SYNPR: variants seen among roughly 807,000 people sequenced by gnomAD.
The protein encoded by SYNPR is synaptoporin.
In SYNPR, 23 loss-of-function variants were observed where a neutral mutation model predicts 32.9. The ratio of observed to expected loss-of-function variants is 0.70; its 90% CI spans 0.50 to 0.99. The LOEUF (loss-of-function observed/expected upper bound fraction) is 0.99, where lower values mean the gene tolerates loss of function less well. Among genes scored for constraint, SYNPR ranks in the 50% least tolerant of loss-of-function variants. The probability of loss-of-function intolerance (pLI) is 0.00; values close to 1 mark genes in which losing one functional copy is unlikely to be tolerated. For synonymous variants in SYNPR, 146 were observed against 135.9 expected (o/e 1.07, Z -0.52); for missense variants, 318 against 349.3 (o/e 0.91, Z 0.71).
chr3:63,353,587 T>C (rs1160752019), intron 2 of SYNPR, among the ~76,000 whole-genome samples: 2 of 152,228 alleles, frequency 1.3e-5, no homozygotes, highest in Non-Finnish European at 2.9e-5. Flanking sequence ...AGTCGGATGA[T>C]TCAGGTCCTA....
At chr3:63,384,486 T>C (rs17068423) in intron 2 of SYNPR, among the ~76,000 whole-genome samples, 1,802 of 152,314 alleles carry the variant, frequency 0.012, 41 homozygotes, top group African/African-American at 0.041. Context: ...TTTATGTTTC[T>C]TTTATCTCAA....
At chr3:63,257,607 C>A (rs2086396458) in intron 2 of SYNPR, among the ~76,000 whole-genome samples, 1 of 151,994 alleles carries the variant, frequency 6.6e-6, no homozygotes, top group Admixed American at 6.6e-5. Context: ...ACAGCCACTG[C>A]AAAAACATGC....
chr3:63,440,744 G>A (rs573657507), intron 2 of SYNPR, among the ~76,000 whole-genome samples: 4 of 152,226 alleles, frequency 2.6e-5, no homozygotes, highest in East Asian at 1.9e-4. Context: ...AAACAGAGAC[G>A]TGGACAAATT....
intron 2 of SYNPR, among the ~76,000 whole-genome samples, chr3:63,412,290 C>G (rs1350427414): frequency 6.6e-6 from 1 of 152,094 alleles, no homozygotes; most frequent in Non-Finnish European, 1.5e-5. Context: ...ATATGAGGGT[C>G]TGAAGTTTCA....
At chr3:63,274,873 A>G (rs2086561639), upstream of SYNPR, among the ~76,000 whole-genome samples, 2 of 152,316 alleles carry the variant, frequency 1.3e-5, no homozygotes, top group South Asian at 4.1e-4. Flanking sequence ...GTCTCCAAAC[A>G]TTGTTACATG....
intron 2 of SYNPR, among the ~76,000 whole-genome samples, chr3:63,477,777 T>G (rs964692655): frequency 3.9e-5 from 6 of 152,222 alleles, no homozygotes; most frequent in Non-Finnish European, 1.5e-5. Context: ...GATCAGTAGC[T>G]TCACTTTTTC....
At chr3:63,351,684 TC>T (rs1041309447) in intron 2 of SYNPR, 2 of 152,170 alleles carry the variant, frequency 1.3e-5, no homozygotes, top group African/African-American at 2.4e-5. Context: ...AGGATAACGT[TC>T]AAAGATTATC....
intron 2 of SYNPR, among the ~76,000 whole-genome samples, chr3:63,350,874 G>A (rs977008555): frequency 1.3e-5 from 2 of 152,148 alleles, no homozygotes; most frequent in African/African-American, 2.4e-5. Context: ...CCATCAGTTA[G>A]TGACTTCTCG....
chr3:63,322,755 C>T (rs962250257), intron 2 of SYNPR, among the ~76,000 whole-genome samples: 13 of 152,062 alleles, frequency 8.5e-5, no homozygotes, highest in Admixed American at 4.6e-4. Flanking sequence ...ATTCAGTCCT[C>T]TGCCTTTGAG....
chr3:63,551,294 C>T (rs1221934399), intron 3 of SYNPR, among the ~76,000 whole-genome samples: 1 of 152,296 alleles, frequency 6.6e-6, no homozygotes, highest in South Asian at 2.1e-4. Context: ...GAATAAACTA[C>T]ATCTTATTTA....
At chr3:63,501,416 C>T (rs572792793) in intron 3 of SYNPR, among the ~76,000 whole-genome samples, 1 of 147,756 alleles carries the variant, frequency 6.8e-6, no homozygotes, top group Admixed American at 6.9e-5. Flanking sequence ...GAGGTTAATG[C>T]TGCAGTAAGC....
intron 4 of SYNPR, among the ~76,000 whole-genome samples, chr3:63,569,846 G>T (rs34812866): frequency 0.096 from 14,638 of 152,204 alleles, 800 homozygotes; most frequent in Middle Eastern, 0.13. Context: ...TTTATAAGTT[G>T]CATCCTGGGG....
At chr3:63,442,521 T>C (rs1052704438) in intron 2 of SYNPR, among the ~76,000 whole-genome samples, 3 of 152,158 alleles carry the variant, frequency 2.0e-5, no homozygotes, top group African/African-American at 7.2e-5. Flanking sequence ...TTGATACAAA[T>C]GCCCCCAACA....
intron 2 of SYNPR, among the ~76,000 whole-genome samples, chr3:63,395,187 T>C (rs13066814): frequency 0.11 from 16,862 of 152,254 alleles, 1,402 homozygotes; most frequent in East Asian, 0.43. Context: ...AGAAAGCTGT[T>C]GGATAGCTAT....
chr3:63,225,785 A>G (rs937303757), upstream of SYNPR, among the ~76,000 whole-genome samples: 7 of 152,206 alleles, frequency 4.6e-5, no homozygotes, highest in Admixed American at 3.3e-4. Context: ...ATAGACGATT[A>G]AAGCACACAT....
Position 63,244,306 on chromosome 3 carries a change from G to T in SYNPR, n.67-8193G>T, listed in dbSNP as rs551554248. On this transcript the variant is annotated intron_variant and non_coding_transcript_variant, in intron 1 of 4. Coordinates refer to the SYNPR transcript ENST00000478456. ...TCCCCTGCTCTCCCCACTTCCATTA[G>T]AGTCTTCCCTTAGCTAAACCCATCT... 4.6e-5 allele frequency among the ~76,000 whole-genome samples: 7 copies of T among 152,166 alleles called. No homozygotes were observed. In the South Asian group the frequency reaches 1.2e-3, roughly 27 times the overall value.
intron 2 of SYNPR, among the ~76,000 whole-genome samples, chr3:63,408,360 G>GA (rs1315976439): frequency 6.7e-6 from 1 of 149,976 alleles, no homozygotes; most frequent in African/African-American, 2.5e-5. Context: ...AAGAAAGAAA[G>GA]AAAGAAAGAA....
intron 2 of SYNPR, among the ~76,000 whole-genome samples, chr3:63,446,281 T>A (rs1472537598): frequency 1.1e-4 from 8 of 71,972 alleles, no homozygotes; most frequent in African/African-American, 2.3e-4. Flanking sequence ...TCCCACCATG[T>A]TTTTTTTTTT....
At chr3:63,327,329 C>A (rs751649119) in intron 2 of SYNPR, among the ~76,000 whole-genome samples, 3 of 151,990 alleles carry the variant, frequency 2.0e-5, no homozygotes, top group Non-Finnish European at 2.9e-5. Context: ...GCAGTACCTA[C>A]TAAAGTGGGT....
Sources: allele counts gnomAD v4.1 joint callset (sites outside exome capture counted in the v4.1 genomes callset), GRCh38; gene constraint gnomAD v4.1.1; transcripts MANE v1.5; gene names NCBI Gene and HGNC (gene_info 2026-07-23, HGNC 2026-07-21).